The following KALRN variants were observed in gnomAD, a reference collection of about 807,000 sequenced individuals.
KALRN encodes kalirin RhoGEF kinase.
KALRN carries 70 observed loss-of-function variants against 353.7 expected under a neutral mutation model. The observed-to-expected ratio is 0.20, with a 90% confidence interval of 0.16 to 0.24. The LOEUF is 0.24. Among genes scored for constraint, KALRN ranks in the 10% least tolerant of loss-of-function variants. The pLI is 1.00. For synonymous variants in KALRN, 1,391 were observed against 1,434.8 expected, an observed-to-expected ratio of 0.97 and a Z score of 0.69; for missense variants, 2,791 against 3,756.7, an observed-to-expected ratio of 0.74 and a Z score of 6.72.
chr3:124,573,773 G>A (rs2073803728), intron 34 of KALRN, among the ~76,000 whole-genome samples: 1 of 152,136 alleles, frequency 6.6e-6, no homozygotes, highest in Admixed American at 6.5e-5. Flanking sequence ...ACCAACAGCA[G>A]GTCCATCTGG....
At chr3:124,450,546 A>G (rs2058672269) in intron 21 of KALRN, among the ~76,000 whole-genome samples, 1 of 151,014 alleles carries the variant, frequency 6.6e-6, no homozygotes, top group Non-Finnish European at 1.5e-5. Flanking sequence ...GATAGGCGTG[A>G]TGCTATTTCT....
chr3:124,699,178 C>A (rs1000427148), intron 55 of KALRN, among the ~76,000 whole-genome samples: 1 of 152,058 alleles, frequency 6.6e-6, no homozygotes, highest in Non-Finnish European at 1.5e-5. Context: ...CTTGTGTCTC[C>A]CAGGTTAGCA....
intron 1 of KALRN, among the ~76,000 whole-genome samples, chr3:124,073,745 G>A (rs2060130754): frequency 6.6e-6 from 1 of 152,248 alleles, no homozygotes. Flanking sequence ...TTACCTGTTT[G>A]GCAAATGAGG....
chr3:124,670,845 G>A (rs2086330214), intron 47 of KALRN, among the ~76,000 whole-genome samples: 1 of 152,128 alleles, frequency 6.6e-6, no homozygotes, highest in Non-Finnish European at 1.5e-5. Context: ...CTTCACATCA[G>A]CTTATTCTCC....
chr3:124,298,654 C>T (rs999742438), intron 5 of KALRN, 137 bp from the exon 6 acceptor site: 20 of 1,002,128 alleles, frequency 2.0e-5, no homozygotes, highest in Middle Eastern at 2.1e-4. Flanking sequence ...CCCATTAAGA[C>T]CCCGAGACTC....
chr3:124,533,607 T>G (rs2109199775), intron 33 of KALRN, among the ~76,000 whole-genome samples: 1 of 152,206 alleles, frequency 6.6e-6, no homozygotes, highest in African/African-American at 2.4e-5. Flanking sequence ...ATCGCACCAC[T>G]GCACTCCAGC....
At chr3:124,097,223 G>T (rs1433316752) in intron 1 of KALRN, among the ~76,000 whole-genome samples, 1 of 152,236 alleles carries the variant, frequency 6.6e-6, no homozygotes, top group Non-Finnish European at 1.5e-5. Flanking sequence ...ATGCTTTAAA[G>T]TGGCATGTTA....
intron 47 of KALRN, among the ~76,000 whole-genome samples, chr3:124,671,080 C>T (rs1249497253): frequency 1.3e-5 from 2 of 152,190 alleles, no homozygotes; most frequent in African/African-American, 2.4e-5. Context: ...TCTGTCTCAT[C>T]CTCTCCAGTC....
chr3:124,153,464 T>C (rs1281913187), intron 1 of KALRN, among the ~76,000 whole-genome samples: 1 of 150,150 alleles, frequency 6.7e-6, no homozygotes. Flanking sequence ...TTTTTATGGC[T>C]GCATAGTATT....
At chr3:124,688,098 G>T (rs543626665) in intron 51 of KALRN, among the ~76,000 whole-genome samples, 1 of 152,170 alleles carries the variant, frequency 6.6e-6, no homozygotes, top group Non-Finnish European at 1.5e-5. Flanking sequence ...GATTACTTGA[G>T]GCCCAGAGTT....
At chr3:124,521,885 A>G (rs1461674141) in intron 33 of KALRN, among the ~76,000 whole-genome samples, 2 of 152,188 alleles carry the variant, frequency 1.3e-5, no homozygotes, top group Non-Finnish European at 2.9e-5. Context: ...CAACAAATAT[A>G]TACTGAGTGC....
rs1174283928 is a variant in KALRN, at chr3:124,368,271, G to A, written c.1771-16574G>A. Reference sequence around the variant, plus strand: ...CCCCCACCTCCCTCCCGGACGGGGCGGCTGCCGGGCGGAGACGCTCCTCAC... The same window carrying A: ...CCCCCACCTCCCTCCCGGACGGGGCAGCTGCCGGGCGGAGACGCTCCTCAC... On this transcript the variant is annotated intron_variant, in intron 10 of 59. Coordinates refer to ENST00000682506, the MANE Select transcript of KALRN (RefSeq NM_001388419.1). Among the ~76,000 whole-genome samples the A allele has an allele frequency of 3.0e-4, 44 of 147,036 alleles. 1 individual carries two copies. Among genetic ancestry groups the A allele is most frequent in the South Asian group, 1.5e-3 (7 of 4,696 alleles).
intron 10 of KALRN, among the ~76,000 whole-genome samples, chr3:124,382,992 G>A (rs945098407): frequency 1.3e-5 from 2 of 152,190 alleles, no homozygotes; most frequent in Non-Finnish European, 2.9e-5. Flanking sequence ...ATATGAAGCT[G>A]CTGTTTTTCC....
At chr3:124,568,634 A>G (rs1200002588) in intron 34 of KALRN, among the ~76,000 whole-genome samples, 1 of 152,228 alleles carries the variant, frequency 6.6e-6, no homozygotes, top group Non-Finnish European at 1.5e-5. Context: ...TTGAATATAT[A>G]CATACAATGG....
intron 1 of KALRN, among the ~76,000 whole-genome samples, chr3:124,090,893 G>A (rs1361243027): frequency 6.6e-6 from 1 of 152,206 alleles, no homozygotes; most frequent in East Asian, 1.9e-4. Flanking sequence ...GAATGTGTGA[G>A]GTTAGCTGGA....
intron 10 of KALRN, among the ~76,000 whole-genome samples, chr3:124,349,615 G>T (rs1157137251): frequency 1.3e-5 from 2 of 152,038 alleles, no homozygotes; most frequent in Non-Finnish European, 2.9e-5. Flanking sequence ...GATGGATGAT[G>T]GTGATGCTTG....
At chr3:124,158,996 G>A (rs1026254772) in intron 1 of KALRN, among the ~76,000 whole-genome samples, 2 of 152,062 alleles carry the variant, frequency 1.3e-5, no homozygotes, top group Admixed American at 1.3e-4. Context: ...TATAGGATCA[G>A]GTATACATCT....
intron 12 of KALRN, among the ~76,000 whole-genome samples, chr3:124,396,247 A>G (rs1049929079): frequency 1.5e-5 from 2 of 136,732 alleles, no homozygotes; most frequent in African/African-American, 5.0e-5. Context: ...AATTACGTCA[A>G]TTGGAGAGGG....
intron 5 of KALRN, among the ~76,000 whole-genome samples, chr3:124,282,481 G>A (rs1183204671): frequency 6.7e-6 from 1 of 150,296 alleles, no homozygotes; most frequent in East Asian, 2.0e-4. Context: ...GGGTTCAAGT[G>A]ATTCTCCTGC....
Sources: gnomAD v4.1 joint callset for allele counts (sites outside exome capture counted in the v4.1 genomes callset) on GRCh38, gnomAD v4.1.1 for gene constraint, MANE v1.5 for transcripts, NCBI Gene and HGNC (gene_info 2026-07-23, HGNC 2026-07-21) for gene names.